CDH18: variants seen among roughly 807,000 people sequenced by gnomAD.
The protein encoded by CDH18 is cadherin-18.
CDH18 carries 31 observed loss-of-function variants against 67.9 expected under a neutral mutation model. The observed-to-expected ratio is 0.46, with a 90% confidence interval of 0.34 to 0.62. The LOEUF (loss-of-function observed/expected upper bound fraction) is 0.62, where lower values mean the gene tolerates loss of function less well. Ranked by LOEUF, CDH18 falls within the 20% of genes least tolerant of loss-of-function variation. The pLI is 0.01. For missense variants in CDH18, 890 were observed against 975.5 expected, an observed-to-expected ratio of 0.91 and a Z score of 1.17; for synonymous variants, 362 against 347.2, an observed-to-expected ratio of 1.04 and a Z score of -0.48.
intron 2 of CDH18, among the ~76,000 whole-genome samples, chr5:19,908,942 T>C (rs1380805920): frequency 6.6e-6 from 1 of 152,102 alleles, no homozygotes; most frequent in Non-Finnish European, 1.5e-5. Flanking sequence ...AGCCAAACTT[T>C]TGGAGTCAGT....
chr5:19,953,925 C>T (rs1456137023), intron 2 of CDH18, among the ~76,000 whole-genome samples: 1 of 151,724 alleles, frequency 6.6e-6, no homozygotes, highest in Non-Finnish European at 1.5e-5. Flanking sequence ...ATAATTTTTC[C>T]TTGAAAAAGG....
intron 8 of CDH18, among the ~76,000 whole-genome samples, chr5:19,568,002 C>G (rs1298098747): frequency 2.0e-5 from 3 of 152,172 alleles, no homozygotes; most frequent in African/African-American, 7.2e-5. Flanking sequence ...ACACCTATCT[C>G]TGAAATATCT....
intron 1 of CDH18, among the ~76,000 whole-genome samples, chr5:20,298,818 G>A (rs1747736414): frequency 6.6e-6 from 1 of 152,136 alleles, no homozygotes; most frequent in South Asian, 2.1e-4. Context: ...AATTGAAAAT[G>A]TCTGAGAAGG....
intron 3 of CDH18, among the ~76,000 whole-genome samples, chr5:19,763,632 C>G (rs1206035779): frequency 2.0e-5 from 3 of 151,980 alleles, no homozygotes; most frequent in Non-Finnish European, 2.9e-5. Flanking sequence ...TTTTATTGGC[C>G]TTATGAACTT....
chr5:19,748,585 G>A (rs2149659069), intron 3 of CDH18, among the ~76,000 whole-genome samples: 1 of 152,032 alleles, frequency 6.6e-6, no homozygotes, highest in East Asian at 1.9e-4. Flanking sequence ...ACCTTTTTGG[G>A]CACATAACCT....
chr5:20,263,834 T>G (rs77973726), intron 1 of CDH18, among the ~76,000 whole-genome samples: 6,001 of 152,150 alleles, frequency 0.039, 359 homozygotes, highest in East Asian at 0.28. Flanking sequence ...TTCAACTACA[T>G]GTATGAATAA....
At chr5:20,249,279 ACT>A (rs1743627335) in intron 2 of CDH18, among the ~76,000 whole-genome samples, 2 of 152,052 alleles carry the variant, frequency 1.3e-5, no homozygotes, top group Non-Finnish European at 1.5e-5. Flanking sequence ...TAAATTATGT[ACT>A]GACATTCATT....
intron 8 of CDH18, among the ~76,000 whole-genome samples, chr5:19,568,589 G>T (rs1186900130): frequency 1.3e-5 from 2 of 152,034 alleles, no homozygotes; most frequent in African/African-American, 4.8e-5. Flanking sequence ...GAAAATTGGT[G>T]GGACATTCAT....
chr5:19,775,006 C>A (rs1239864593), intron 3 of CDH18, among the ~76,000 whole-genome samples: 1 of 151,856 alleles, frequency 6.6e-6, no homozygotes. Context: ...AATAAACCAC[C>A]CAGTCTATGG....
chr5:20,122,459 G>A (rs191075699), intron 2 of CDH18, among the ~76,000 whole-genome samples: 20 of 152,226 alleles, frequency 1.3e-4, no homozygotes, highest in South Asian at 2.1e-4. Context: ...AAACAGATAC[G>A]TTGCCTAAAT....
intron 2 of CDH18, among the ~76,000 whole-genome samples, chr5:19,851,051 T>G (rs1430899042): frequency 6.6e-6 from 1 of 151,972 alleles, no homozygotes; most frequent in African/African-American, 2.4e-5. Context: ...GGTATAACTT[T>G]GTTGAATATT....
At chr5:19,889,850 C>T (rs1015426682) in intron 2 of CDH18, among the ~76,000 whole-genome samples, 3 of 151,996 alleles carry the variant, frequency 2.0e-5, no homozygotes, top group East Asian at 3.9e-4. Context: ...CAGATTGTGT[C>T]CAAAATGCTG....
chr5:19,533,809 G>A (rs1182656165), intron 9 of CDH18, among the ~76,000 whole-genome samples: 1 of 151,994 alleles, frequency 6.6e-6, no homozygotes, highest in Non-Finnish European at 1.5e-5. Flanking sequence ...ACGGGAATAT[G>A]GAAACCCCTT....
chr5:20,540,803 T>C (rs1236504289), intron 1 of CDH18, among the ~76,000 whole-genome samples: 2 of 152,236 alleles, frequency 1.3e-5, no homozygotes, highest in South Asian at 2.1e-4. Context: ...GGCAAAACTT[T>C]AGGGCTACAT....
chr5:19,493,233 T>A (rs920883552), intron 11 of CDH18, among the ~76,000 whole-genome samples: 15 of 152,172 alleles, frequency 9.9e-5, no homozygotes. Flanking sequence ...TAATTACATT[T>A]CATATCATCC....
intron 2 of CDH18, among the ~76,000 whole-genome samples, chr5:20,133,528 C>A (rs1395916291): frequency 6.6e-6 from 1 of 152,116 alleles, no homozygotes; most frequent in Non-Finnish European, 1.5e-5. Flanking sequence ...ACAGTCAAAC[C>A]ATATCACCAT....
chr5:20,569,768 A>G (rs2126668882), intron 1 of CDH18, among the ~76,000 whole-genome samples: 1 of 152,348 alleles, frequency 6.6e-6, no homozygotes, highest in Non-Finnish European at 1.5e-5. Flanking sequence ...AAAACTTGGT[A>G]GTAACCAAGA....
At chr5:19,901,757 C>T (rs1290369360) in intron 2 of CDH18, among the ~76,000 whole-genome samples, 3 of 151,470 alleles carry the variant, frequency 2.0e-5, no homozygotes, top group Non-Finnish European at 4.4e-5. Flanking sequence ...TTATATTTTC[C>T]ATATTATGGC....
chr5:20,471,286 G>A (rs1372161746), intron 1 of CDH18, among the ~76,000 whole-genome samples: 1 of 151,938 alleles, frequency 6.6e-6, no homozygotes, highest in African/African-American at 2.4e-5. Flanking sequence ...TCTCATTGTT[G>A]TCATTTCACA....
Sources: gnomAD v4.1 joint callset for allele counts (sites outside exome capture counted in the v4.1 genomes callset) on GRCh38, gnomAD v4.1.1 for gene constraint, MANE v1.5 for transcripts, NCBI Gene and HGNC (gene_info 2026-07-23, HGNC 2026-07-21) for gene names.